ADK: variants seen among roughly 807,000 people sequenced by gnomAD.
The protein encoded by ADK is adenosine kinase, also known as N6,N6-dimethyladenosine kinase.
In ADK, 24 loss-of-function variants were observed where a neutral mutation model predicts 44.7. The observed-to-expected ratio is 0.54, with a 90% CI of 0.39 to 0.76. The LOEUF (loss-of-function observed/expected upper bound fraction) is 0.76. Ranked by LOEUF, ADK falls within the 30% of genes least tolerant of loss-of-function variation. The pLI is 0.00. For synonymous variants in ADK, 128 were observed against 142.6 expected, an observed-to-expected ratio of 0.90 and a Z score of 0.73; for missense variants, 321 against 425.1, an observed-to-expected ratio of 0.76 and a Z score of 2.15.
intron 7 of ADK, among the ~76,000 whole-genome samples, chr10:74,559,335 GT>G (rs1850374255): frequency 6.6e-6 from 1 of 152,200 alleles, no homozygotes; most frequent in South Asian, 2.1e-4. Context: ...CTTTAATTCT[GT>G]TTTGTATCTT....
intron 7 of ADK, among the ~76,000 whole-genome samples, chr10:74,554,369 C>T (rs1850158923): frequency 1.3e-5 from 2 of 152,016 alleles, no homozygotes; most frequent in Non-Finnish European, 2.9e-5. Flanking sequence ...TTTCATATAT[C>T]CCTTATATAT....
At chr10:74,695,584 T>G (rs1856156188) in intron 10 of ADK, among the ~76,000 whole-genome samples, 1 of 129,702 alleles carries the variant, frequency 7.7e-6, no homozygotes, top group Non-Finnish European at 1.7e-5. Flanking sequence ...ATTGACAAAT[T>G]TATTTCTTCT....
chr10:74,447,821 C>G (rs1845637081), intron 6 of ADK, among the ~76,000 whole-genome samples: 1 of 152,058 alleles, frequency 6.6e-6, no homozygotes, highest in Non-Finnish European at 1.5e-5. Flanking sequence ...AATGTATATA[C>G]TGTTAAGGAG....
chr10:74,580,718 A>T (rs1410460636), intron 7 of ADK, among the ~76,000 whole-genome samples: 1 of 152,028 alleles, frequency 6.6e-6, no homozygotes, highest in Non-Finnish European at 1.5e-5. Flanking sequence ...GTCCAAATAA[A>T]CCTCTTTCTT....
At chr10:74,307,687 C>G (rs557368289) in intron 3 of ADK, among the ~76,000 whole-genome samples, 42 of 152,160 alleles carry the variant, frequency 2.8e-4, no homozygotes, top group Non-Finnish European at 5.4e-4. Context: ...AAATAATTAG[C>G]TAGTTATTGC....
intron 6 of ADK, among the ~76,000 whole-genome samples, chr10:74,427,494 G>A (rs1228488696): frequency 1.3e-5 from 2 of 152,082 alleles, no homozygotes; most frequent in African/African-American, 2.4e-5. Context: ...CACCGTGCCC[G>A]GCCTATAGGT....
At chr10:74,217,593 C>T (rs1248752461) in intron 2 of ADK, among the ~76,000 whole-genome samples, 1 of 152,226 alleles carries the variant, frequency 6.6e-6, no homozygotes, top group African/African-American at 2.4e-5. Flanking sequence ...ACCCCTGACC[C>T]CTGAGCAGCC....
In ADK at chr10:74,191,456, C is replaced by T. The variant is rs774175962; in HGVS notation, c.66-9308C>T. Among the ~76,000 whole-genome samples the T allele has an allele frequency of 7.9e-5, 12 of 151,468 alleles. No homozygotes were observed. The South Asian group carries it at 1.0e-3, about 13-fold the overall frequency. On this transcript the variant is annotated intron_variant, in intron 1 of 10. Coordinates refer to ENST00000539909, the MANE Select transcript of ADK (RefSeq NM_006721.4). ...TATGTCAATTAAAAAGACAGGGTCT[C>T]GCCCAGGCTGGTCTCGAACTCTTGG...
chr10:74,687,046 G>C (rs1324870896), intron 10 of ADK, among the ~76,000 whole-genome samples: 1 of 152,110 alleles, frequency 6.6e-6, no homozygotes, highest in African/African-American at 2.4e-5. Flanking sequence ...TATCTCATTT[G>C]GGTTATTATG....
chr10:74,530,291 A>G (rs1427457785), intron 7 of ADK, among the ~76,000 whole-genome samples: 1 of 152,196 alleles, frequency 6.6e-6, no homozygotes, highest in Non-Finnish European at 1.5e-5. Context: ...AAATATAGTT[A>G]TCAGAGAATA....
chr10:74,672,911 A>G (rs1341136836), intron 10 of ADK, among the ~76,000 whole-genome samples: 1 of 152,246 alleles, frequency 6.6e-6, no homozygotes, highest in African/African-American at 2.4e-5. Flanking sequence ...AGAGAGTAGC[A>G]GAGCCAGGAT....
chr10:74,338,752 G>C (rs552969916), intron 4 of ADK, among the ~76,000 whole-genome samples: 1 of 152,284 alleles, frequency 6.6e-6, no homozygotes, highest in South Asian at 2.1e-4. Flanking sequence ...TGTCATTCCA[G>C]GAGTTAGAGA....
intron 1 of ADK, among the ~76,000 whole-genome samples, chr10:74,186,090 C>G (rs975536238): frequency 6.6e-6 from 1 of 152,066 alleles, no homozygotes; most frequent in East Asian, 1.9e-4. Flanking sequence ...CTCAAGTGAT[C>G]TGCCTACCTC....
chr10:74,577,501 TG>T (rs1851235473), intron 7 of ADK, among the ~76,000 whole-genome samples: 1 of 152,108 alleles, frequency 6.6e-6, no homozygotes, highest in South Asian at 2.1e-4. Context: ...TTGCTACCTC[TG>T]AAGAGGCTTT....
At chr10:74,391,640 G>A (rs144797203) in intron 4 of ADK, among the ~76,000 whole-genome samples, 1 of 127,128 alleles carries the variant, frequency 7.9e-6, no homozygotes, top group Non-Finnish European at 1.6e-5. Context: ...TCAGGAGTTC[G>A]AGGCAAGAAT....
At chr10:74,374,125 G>A (rs551305354) in intron 4 of ADK, among the ~76,000 whole-genome samples, 1 of 152,146 alleles carries the variant, frequency 6.6e-6, no homozygotes, top group Non-Finnish European at 1.5e-5. Flanking sequence ...CCTGGGACTT[G>A]TGAAGATGAG....
At chr10:74,685,215 A>G (rs1423861173) in intron 10 of ADK, among the ~76,000 whole-genome samples, 2 of 152,244 alleles carry the variant, frequency 1.3e-5, no homozygotes, top group South Asian at 2.1e-4. Context: ...AAAATGAAAA[A>G]TAAGTTTGAC....
At chr10:74,598,828 A>G (rs542465246) in intron 8 of ADK, among the ~76,000 whole-genome samples, 123 of 152,278 alleles carry the variant, frequency 8.1e-4, no homozygotes, top group Non-Finnish European at 5.6e-4. Context: ...CATTCATAAG[A>G]TTCTGCTTTC....
At chr10:74,167,083 A>G (rs1245834614) in intron 1 of ADK, among the ~76,000 whole-genome samples, 1 of 152,236 alleles carries the variant, frequency 6.6e-6, no homozygotes, top group African/African-American at 2.4e-5. Context: ...CCTAAGAGGT[A>G]AGTATTGCTC....
Sources: gnomAD v4.1 joint callset for allele counts (sites outside exome capture counted in the v4.1 genomes callset) on GRCh38, gnomAD v4.1.1 for gene constraint, MANE v1.5 for transcripts, NCBI Gene and HGNC (gene_info 2026-07-23, HGNC 2026-07-21) for gene names.